OSBP2: variants seen among roughly 807,000 people sequenced by gnomAD.
The protein encoded by OSBP2 is oxysterol binding protein 2, also known as oxysterol-binding protein 2.
A neutral mutation model predicts 96.0 loss-of-function variants in OSBP2; 66 were observed. The ratio of observed to expected loss-of-function variants is 0.69; its 90% CI spans 0.56 to 0.84. The LOEUF is 0.84. Among genes scored for constraint, OSBP2 ranks in the 40% least tolerant of loss-of-function variants. The pLI is 0.00. For synonymous variants in OSBP2, 525 were observed against 520.9 expected (o/e 1.01, Z -0.11); for missense variants, 1,038 against 1,222.7 (o/e 0.85, Z 2.25).
At chr22:30,694,323 C>T (rs1297781039), upstream of OSBP2, 1 of 1,547,886 alleles carries the variant, frequency 6.5e-7, no homozygotes, top group South Asian at 1.2e-5. Flanking sequence ...TTCTGGCGGC[C>T]GCAGGAGCGA....
At chr22:30,783,279 G>A (rs1399516001) in intron 2 of OSBP2, among the ~76,000 whole-genome samples, 1 of 145,690 alleles carries the variant, frequency 6.9e-6, no homozygotes, top group Non-Finnish European at 1.5e-5. Flanking sequence ...ACATCTCAGA[G>A]GCAGGGAGTC....
Position 30,889,500 on chromosome 22 carries a change from G to A in OSBP2, c.1487G>A (p.Gly496Asp). The A allele has an allele frequency of 3.7e-6, 6 of 1,614,100 alleles. No individual in the cohort carries two copies. The highest frequency in any genetic ancestry group is 4.2e-6 in the Non-Finnish European group (5 of 1,180,014). Reference protein sequence around the residue: ...DWSSADNVLDGASLVPKGSSK... With the variant: ...DWSSADNVLDDASLVPKGSSK... ...CCACTTATGTGGCAGGTACTAGATG[G>A]TGCCTCGCTCGTGCCCAAGGGTTCA... The change falls in exon 7 of 14, where the codon GGT becomes GAT. Residue 496 changes from glycine to aspartate, a missense_variant. Physicochemically the swap from Gly to Asp is moderately conservative, Grantham distance 94. Coordinates refer to ENST00000332585, the MANE Select transcript of OSBP2 (RefSeq NM_030758.4).
chr22:30,814,439 T>G (rs868580804), intron 2 of OSBP2, among the ~76,000 whole-genome samples: 37 of 151,286 alleles, frequency 2.4e-4, no homozygotes, highest in African/African-American at 8.2e-4. Flanking sequence ...GTTGGGTTTT[T>G]TTTTTTTTTT....
intron 3 of OSBP2, among the ~76,000 whole-genome samples, chr22:30,882,391 A>G (rs2039720823): frequency 6.6e-6 from 1 of 152,142 alleles, no homozygotes; most frequent in African/African-American, 2.4e-5. Flanking sequence ...CCTGGGGGAC[A>G]TGCAGGTGAG....
At chr22:30,802,918 G>C (rs1160361259) in intron 2 of OSBP2, among the ~76,000 whole-genome samples, 1 of 152,208 alleles carries the variant, frequency 6.6e-6, no homozygotes, top group Non-Finnish European at 1.5e-5. Flanking sequence ...CTCTGAGCTC[G>C]CGGGCTGGAC....
chr22:30,867,629 C>T (rs897364588), intron 2 of OSBP2, among the ~76,000 whole-genome samples: 2 of 152,226 alleles, frequency 1.3e-5, no homozygotes, highest in Admixed American at 6.5e-5. Flanking sequence ...CCCAACAACA[C>T]GGCCAGTGAC....
intron 12 of OSBP2, among the ~76,000 whole-genome samples, chr22:30,903,667 C>T (rs2040264280): frequency 6.6e-6 from 1 of 152,260 alleles, no homozygotes; most frequent in Non-Finnish European, 1.5e-5. Context: ...GGTTTCTTTT[C>T]TCCTGGGCCA....
At chr22:30,768,800 A>C (rs1042829490) in intron 2 of OSBP2, among the ~76,000 whole-genome samples, 2 of 152,236 alleles carry the variant, frequency 1.3e-5, no homozygotes, top group Non-Finnish European at 2.9e-5. Context: ...TAGAGGGCAT[A>C]ATAGCACTTT....
intron 2 of OSBP2, among the ~76,000 whole-genome samples, chr22:30,836,614 G>A (rs775228832): frequency 6.6e-6 from 1 of 152,160 alleles, no homozygotes; most frequent in African/African-American, 2.4e-5. Context: ...TAATTCAAAG[G>A]TATTTACCAC....
chr22:30,884,033 C>T (rs978237872), intron 3 of OSBP2, among the ~76,000 whole-genome samples: 2 of 152,134 alleles, frequency 1.3e-5, no homozygotes, highest in Non-Finnish European at 2.9e-5. Context: ...CTGCGTCTCC[C>T]AGGACTCACC....
intron 2 of OSBP2, among the ~76,000 whole-genome samples, chr22:30,831,917 C>T (rs2038530886): frequency 6.6e-6 from 1 of 152,126 alleles, no homozygotes; most frequent in Non-Finnish European, 1.5e-5. Flanking sequence ...ATCTCCTTGG[C>T]CCAAAGTTAA....
At chr22:30,807,952 A>C (rs1218294024) in intron 2 of OSBP2, among the ~76,000 whole-genome samples, 1 of 151,820 alleles carries the variant, frequency 6.6e-6, no homozygotes, top group African/African-American at 2.4e-5. Context: ...TGCCAAGCTA[A>C]TTTATTTGTA....
In OSBP2 at chr22:30,743,092, C is replaced by T. The variant is rs907308468; in HGVS notation, c.853+1723C>T. ...TAGTGGAATGGTGTATTCCACAGAC[C>T]TATGTGTTTGTCTGGGGAGGCAGGG... On this transcript the variant is annotated intron_variant, in intron 2 of 13. Coordinates refer to ENST00000332585, the MANE Select transcript of OSBP2 (RefSeq NM_030758.4). Among the ~76,000 whole-genome samples the T allele has an allele frequency of 1.7e-4, 26 of 152,292 alleles. 4 individuals carry two copies. Among genetic ancestry groups the T allele is most frequent in the Admixed American group, 1.5e-3 (23 of 15,298 alleles).
chr22:30,736,560 A>G (rs1276418464), intron 1 of OSBP2, among the ~76,000 whole-genome samples: 2 of 152,234 alleles, frequency 1.3e-5, no homozygotes, highest in Admixed American at 1.3e-4. Context: ...AGGTGATAGC[A>G]GCATTAAATT....
intron 1 of OSBP2, among the ~76,000 whole-genome samples, chr22:30,696,642 A>G (rs1213198530): frequency 6.6e-6 from 1 of 151,938 alleles, no homozygotes. Context: ...CACCCACTAC[A>G]GGGTTTTGTT....
chr22:30,709,705 A>AG (rs1275787282), intron 1 of OSBP2, among the ~76,000 whole-genome samples: 2 of 151,292 alleles, frequency 1.3e-5, no homozygotes, highest in African/African-American at 4.9e-5. Context: ...ATTTAAAAAA[A>AG]ATTTTTTTTT....
At chr22:30,868,385 A>T (rs1569157621) in intron 2 of OSBP2, among the ~76,000 whole-genome samples, 1 of 152,254 alleles carries the variant, frequency 6.6e-6, no homozygotes, top group Non-Finnish European at 1.5e-5. Flanking sequence ...TTACGGAGCC[A>T]GTGGCCCAGA....
chr22:30,755,631 C>G (rs2090131010), intron 2 of OSBP2, among the ~76,000 whole-genome samples: 2 of 152,126 alleles, frequency 1.3e-5, no homozygotes, highest in Non-Finnish European at 2.9e-5. Context: ...GTTGAGTCAA[C>G]CAGGGCTGGC....
chr22:30,897,229 A>C (rs1052794723), intron 12 of OSBP2, among the ~76,000 whole-genome samples: 6 of 152,250 alleles, frequency 3.9e-5, no homozygotes, highest in East Asian at 3.8e-4. Context: ...GCACATATTG[A>C]TACTTAAGGA....
Sources: gnomAD v4.1 joint callset for allele counts (sites outside exome capture counted in the v4.1 genomes callset) on GRCh38, gnomAD v4.1.1 for gene constraint, MANE v1.5 for transcripts, NCBI Gene and HGNC (gene_info 2026-07-23, HGNC 2026-07-21) for gene names.